GSAP: variants seen among roughly 807,000 people sequenced by gnomAD.
GSAP encodes gamma-secretase activating protein.
GSAP carries 118 observed loss-of-function variants against 131.7 expected under a neutral mutation model. That is an observed-to-expected ratio of 0.90 (90% CI 0.77 to 1.04). GSAP has a LOEUF of 1.04. Ranked by LOEUF, GSAP falls within the 50% of genes least tolerant of loss-of-function variation. The probability of loss-of-function intolerance (pLI) is 0.00; values close to 1 mark genes in which losing one functional copy is unlikely to be tolerated. For synonymous variants in GSAP, 381 were observed against 363.4 expected (o/e 1.05, Z -0.55); for missense variants, 1,019 against 1,013.2 (o/e 1.01, Z -0.08).
chr7:77,353,521 A>G, intron 17 of GSAP, 51 bp downstream of exon 17: 1 of 1,228,096 alleles, frequency 8.1e-7, no homozygotes, highest in Non-Finnish European at 1.2e-6. Flanking sequence ...GCTTTCCCTC[A>G]AGCAAAAAGG....
At chr7:77,359,922 T>C (rs1224682794) in intron 14 of GSAP, among the ~76,000 whole-genome samples, 1 of 152,198 alleles carries the variant, frequency 6.6e-6, no homozygotes, top group Non-Finnish European at 1.5e-5. Context: ...CAGGAAGCAG[T>C]AGAACCAGGC....
intron 12 of GSAP, among the ~76,000 whole-genome samples, chr7:77,364,557 G>A (rs1348697231): frequency 6.6e-6 from 1 of 150,578 alleles, no homozygotes; most frequent in Non-Finnish European, 1.5e-5. Context: ...AGCATTAGGA[G>A]ATATACCTAA....
At chr7:77,415,255 CTT>C (rs1804143780) in intron 1 of GSAP, among the ~76,000 whole-genome samples, 2 of 152,154 alleles carry the variant, frequency 1.3e-5, no homozygotes, top group South Asian at 2.1e-4. Flanking sequence ...ATCAAGAAAA[CTT>C]TCACCAGCGT....
At chr7:77,382,344 C>A (rs2151041040) in intron 7 of GSAP, among the ~76,000 whole-genome samples, 1 of 152,260 alleles carries the variant, frequency 6.6e-6, no homozygotes, top group East Asian at 1.9e-4. Context: ...TCCATGTATG[C>A]AAGAGCCCAT....
At chr7:77,363,404 G>A (rs188714862) in intron 12 of GSAP, among the ~76,000 whole-genome samples, 45 of 152,340 alleles carry the variant, frequency 3.0e-4, no homozygotes, top group African/African-American at 9.6e-4. Flanking sequence ...AAACAGGTAT[G>A]TCTATCATTT....
chr7:77,324,880 G>A (rs1024755241), intron 23 of GSAP, among the ~76,000 whole-genome samples: 5 of 137,204 alleles, frequency 3.6e-5, no homozygotes, highest in Non-Finnish European at 6.0e-5. Flanking sequence ...GCAGTGATGC[G>A]ATCTCAGCTC....
chr7:77,382,339 G>T (rs1013221995), intron 7 of GSAP, among the ~76,000 whole-genome samples: 8 of 152,134 alleles, frequency 5.3e-5, no homozygotes, highest in African/African-American at 1.4e-4. Context: ...GCAGATCCAT[G>T]TATGCAAGAG....
At chr7:77,360,761 T>G in intron 14 of GSAP, 63 bp downstream of exon 14, 9 of 851,346 alleles carry the variant, frequency 1.1e-5, no homozygotes, top group African/African-American at 1.7e-5. Context: ...TATAGAAGGC[T>G]GAGGTATACC....
intron 18 of GSAP, among the ~76,000 whole-genome samples, chr7:77,352,211 G>T (rs1792988946): frequency 6.6e-6 from 1 of 152,200 alleles, no homozygotes; most frequent in South Asian, 2.1e-4. Flanking sequence ...TCCTATGACT[G>T]TGTTATTTAA....
intron 10 of GSAP, among the ~76,000 whole-genome samples, chr7:77,376,542 G>C (rs1225343787): frequency 6.6e-6 from 1 of 152,108 alleles, no homozygotes; most frequent in Non-Finnish European, 1.5e-5. Context: ...TTGGGAGGCC[G>C]AGGCAGGTGG....
chr7:77,379,221 C>CAA (rs933562898), intron 8 of GSAP, among the ~76,000 whole-genome samples: 26 of 151,978 alleles, frequency 1.7e-4, no homozygotes, highest in African/African-American at 6.3e-4. Context: ...TACCCAGGTT[C>CAA]AAATCTCAGT....
intron 12 of GSAP, among the ~76,000 whole-genome samples, chr7:77,363,303 A>G (rs371561783): frequency 6.6e-6 from 1 of 152,186 alleles, no homozygotes; most frequent in African/African-American, 2.4e-5. Context: ...CACCTCTCTC[A>G]ACGCATGAAA....
intron 3 of GSAP, among the ~76,000 whole-genome samples, chr7:77,402,593 CAAAAAAAAA>C (rs56739649): frequency 8.1e-5 from 2 of 24,764 alleles, no homozygotes; most frequent in African/African-American, 1.1e-4. Context: ...GACTCTGTCT[CAAAAAAAAA>C]AAAAAAAAAA....
intron 26 of GSAP, among the ~76,000 whole-genome samples, chr7:77,316,608 C>G (rs555129108): frequency 1.4e-4 from 22 of 152,324 alleles, no homozygotes; most frequent in African/African-American, 4.8e-4. Context: ...AAAATTATTT[C>G]TGAAGAAAAG....
At chr7:77,353,668 T>C in intron 16 of GSAP, 27 bp from the exon 17 acceptor site, 4 of 1,485,810 alleles carry the variant, frequency 2.7e-6, no homozygotes, top group Non-Finnish European at 3.8e-6. Flanking sequence ...AGAACTCTGT[T>C]GGTATTTAAA....
At chr7:77,396,437 T>C (rs1800405492) in intron 5 of GSAP, among the ~76,000 whole-genome samples, 1 of 152,130 alleles carries the variant, frequency 6.6e-6, no homozygotes, top group African/African-American at 2.4e-5. Flanking sequence ...CCCAGTACCA[T>C]GCATAATGCC....
intron 26 of GSAP, among the ~76,000 whole-genome samples, chr7:77,317,949 T>C (rs1192327641): frequency 6.6e-6 from 1 of 152,220 alleles, no homozygotes; most frequent in East Asian, 1.9e-4. Flanking sequence ...ACTCCTTTTG[T>C]ACTGCCATAC....
At chr7:77,328,751 A>C in intron 21 of GSAP, 114 bp from the exon 22 acceptor site, 1 of 676,158 alleles carries the variant, frequency 1.5e-6, no homozygotes, top group Non-Finnish European at 2.5e-6. Flanking sequence ...TGTAGAAACT[A>C]TTCTCAAGCT....
Position 77,374,121 on chromosome 7 carries a change from G to A in GSAP, c.820C>T (p.Arg274Ter), listed in dbSNP as rs141347640. ...GTCAGGTGTTTGGAAAATTTATCTC[G>A]GTATTGATGATAATCACATCCAAAG... ...VNFGCDYHQY[R>*]DKFSKHLTLC... Residue 274 changes from arginine to a stop codon, truncating the protein, a stop_gained, in exon 12 of 31, where the codon CGA becomes TGA. Transcript: ENST00000257626. LOFTEE classifies it high-confidence loss of function. 1.4e-5 allele frequency: 22 copies of A among 1,589,870 alleles called. No homozygotes were observed. The highest frequency in any genetic ancestry group is 1.7e-5 in the Non-Finnish European group (20 of 1,161,776).
Sources: gnomAD v4.1 joint callset for allele counts (sites outside exome capture counted in the v4.1 genomes callset) on GRCh38, gnomAD v4.1.1 for gene constraint, MANE v1.5 for transcripts, NCBI Gene and HGNC (gene_info 2026-07-23, HGNC 2026-07-21) for gene names.